Variants in ATP13A5 observed in about 807,000 individuals in gnomAD.
The protein encoded by ATP13A5 is probable cation-transporting ATPase 13A5.
In ATP13A5, 149 loss-of-function variants were observed where a neutral mutation model predicts 150.2. The observed-to-expected ratio is 0.99, with a 90% CI of 0.87 to 1.14. ATP13A5 has a LOEUF of 1.14. Ranked by LOEUF, ATP13A5 falls within the 50% of genes most tolerant of loss-of-function variation. The pLI, the probability that ATP13A5 is intolerant of heterozygous loss-of-function variation, is 0.00. For missense variants in ATP13A5, 1,383 were observed against 1,449.3 expected, an observed-to-expected ratio of 0.95 and a Z score of 0.74; for synonymous variants, 497 against 522.2, an observed-to-expected ratio of 0.95 and a Z score of 0.66.
chr3:193,355,759 G>A (rs1712759568), intron 5 of ATP13A5, among the ~76,000 whole-genome samples: 1 of 152,076 alleles, frequency 6.6e-6, no homozygotes, highest in Admixed American at 6.5e-5. Flanking sequence ...TCAGTACTCA[G>A]GACTCTTTTA....
chr3:193,332,955 C>G (rs190347315), intron 11 of ATP13A5, among the ~76,000 whole-genome samples: 6 of 152,250 alleles, frequency 3.9e-5, no homozygotes, highest in Admixed American at 3.9e-4. Flanking sequence ...CCCCAGTGAC[C>G]TTGACATTCT....
intron 7 of ATP13A5, among the ~76,000 whole-genome samples, chr3:193,346,574 C>A (rs1364249563): frequency 6.6e-6 from 1 of 152,116 alleles, no homozygotes; most frequent in Non-Finnish European, 1.5e-5. Flanking sequence ...TTCACCTTAA[C>A]CTAATTCAAA....
chr3:193,275,982 T>C (rs1717180559), intron 29 of ATP13A5, among the ~76,000 whole-genome samples: 1 of 152,172 alleles, frequency 6.6e-6, no homozygotes, highest in African/African-American at 2.4e-5. Context: ...ACAAACAGCA[T>C]CTCAACAACA....
At chr3:193,288,163 T>C (rs1406531061) in intron 26 of ATP13A5, among the ~76,000 whole-genome samples, 1 of 152,024 alleles carries the variant, frequency 6.6e-6, no homozygotes, top group South Asian at 2.1e-4. Flanking sequence ...CTGGTGAAGA[T>C]GTTGTAAGCA....
chr3:193,321,981 G>A, intron 15 of ATP13A5, 144 bp from the exon 16 acceptor site: 1 of 970,882 alleles, frequency 1.0e-6, no homozygotes, highest in Non-Finnish European at 1.5e-6. Flanking sequence ...TTGTGTGTGT[G>A]TGTGTGGCTG....
At chr3:193,374,872 C>T (rs1713585586) in intron 1 of ATP13A5, among the ~76,000 whole-genome samples, 1 of 152,118 alleles carries the variant, frequency 6.6e-6, no homozygotes, top group Admixed American at 6.6e-5. Flanking sequence ...AAAGTGGGCT[C>T]ATTATAAAAG....
At position 193,310,748 on chromosome 3, in the gene ATP13A5, A is replaced by T. The variant is rs9841197; in HGVS notation, c.2446-31T>A. 6.3e-4 allele frequency: 966 copies of T among 1,533,782 alleles called. 9 individuals are homozygous for T. In the African/African-American group the frequency reaches 0.012, roughly 19 times the overall value. On this transcript the variant is annotated intron_variant, in intron 20 of 29. Transcript: ENST00000342358. ...AAGAAAAAACAACCATTGCAATATGATTGGGAAGAAGAAAACTTTTAAAAA... is the reference window on the plus strand; with the variant it reads ...AAGAAAAAACAACCATTGCAATATGTTTGGGAAGAAGAAAACTTTTAAAAA...
intron 5 of ATP13A5, among the ~76,000 whole-genome samples, chr3:193,354,636 C>T (rs982436626): frequency 1.3e-5 from 2 of 151,462 alleles, no homozygotes; most frequent in African/African-American, 4.8e-5. Context: ...GTATACGAAC[C>T]GAATGAATAC....
At chr3:193,283,982 T>C (rs948273681) in intron 27 of ATP13A5, among the ~76,000 whole-genome samples, 8 of 146,572 alleles carry the variant, frequency 5.5e-5, no homozygotes, top group Non-Finnish European at 1.2e-4. Flanking sequence ...TGATGGGGCA[T>C]ATTCTCTGGC....
In ATP13A5 at chr3:193,363,300, TC is replaced by T. The variant is rs1483280533; in HGVS notation, c.319del (p.Glu107LysfsTer12). 3 of 1,613,844 alleles carry T rather than the reference TC, an allele frequency of 1.9e-6. No homozygotes were observed. The highest frequency in any genetic ancestry group is 2.7e-5 in the African/African-American group (2 of 74,952). ...TLKFPVSKKW[E>X]ESLVADRHSV... ...GTGGCGGTCAGCCACCAGGGATTCTTCCCACTTCTTGCTTACAGGAAACTTC... is the reference window on the plus strand; with the variant it reads ...GTGGCGGTCAGCCACCAGGGATTCTTCCACTTCTTGCTTACAGGAAACTTC... On this transcript the variant is annotated frameshift_variant, in exon 3 of 30. Transcript: ENST00000342358. LOFTEE classifies it high-confidence loss of function.
At position 193,310,625 on chromosome 3, in the gene ATP13A5, C is replaced by A; in HGVS notation, c.2525+13G>T. 6.3e-7 allele frequency: 1 copy of A among 1,596,970 alleles called. No individual in the cohort carries two copies. Among genetic ancestry groups the A allele is most frequent in the Non-Finnish European group, 8.5e-7 (1 of 1,173,064 alleles). ...TTAATGAGCACACTCTTCTTTCATG[C>A]CATGACACCTACTTTAATTTCTGAA... On this transcript the variant is annotated intron_variant, in intron 21 of 29. Coordinates refer to ENST00000342358, the MANE Select transcript of ATP13A5 (RefSeq NM_198505.4).
At chr3:193,330,938 C>A (rs1174627126) in intron 12 of ATP13A5, among the ~76,000 whole-genome samples, 185 bp downstream of exon 12, 1 of 152,158 alleles carries the variant, frequency 6.6e-6, no homozygotes, top group Non-Finnish European at 1.5e-5. Flanking sequence ...AAGCTGCTAA[C>A]CTTAAGAGTC....
At chr3:193,291,062 A>G (rs140663492) in intron 25 of ATP13A5, among the ~76,000 whole-genome samples, 10 of 152,210 alleles carry the variant, frequency 6.6e-5, no homozygotes, top group African/African-American at 2.4e-4. Context: ...TGAGTGTCCA[A>G]TGTGGGATGA....
Position 193,333,913 on chromosome 3 carries a change from T to A in ATP13A5, c.1115-6A>T, listed in dbSNP as rs933785214. 2 of 1,610,460 alleles carry A rather than the reference T, an allele frequency of 1.2e-6. No homozygotes were observed. Among genetic ancestry groups the A allele is most frequent in the Non-Finnish European group, 1.7e-6 (2 of 1,178,394 alleles). ...CCCTTTGGCTGTATTGTAACCTACA[T>A]AAAGATAATCATAGATCAAGTAAGG... On this transcript the variant is annotated splice_polypyrimidine_tract_variant and splice_region_variant and intron_variant, in intron 10 of 29. Coordinates refer to ENST00000342358, the MANE Select transcript of ATP13A5 (RefSeq NM_198505.4).
chr3:193,275,471 T>C (rs1717152604), intron 29 of ATP13A5, among the ~76,000 whole-genome samples, 169 bp from the exon 30 acceptor site: 1 of 152,214 alleles, frequency 6.6e-6, no homozygotes, highest in South Asian at 2.1e-4. Flanking sequence ...CTTAAGAAGC[T>C]AGAGGGTGCT....
intron 1 of ATP13A5, among the ~76,000 whole-genome samples, chr3:193,376,317 T>C (rs1713641654): frequency 6.6e-6 from 1 of 152,214 alleles, no homozygotes; most frequent in African/African-American, 2.4e-5. Context: ...GTGCATAGAC[T>C]GCCATCTTTT....
intron 28 of ATP13A5, 41 bp from the exon 29 acceptor site, chr3:193,276,871 C>A (rs781108574): frequency 7.1e-7 from 1 of 1,407,664 alleles, no homozygotes; most frequent in Non-Finnish European, 9.9e-7. Context: ...TTGCACACTT[C>A]ACACTTTGAA....
At position 193,344,195 on chromosome 3, in the gene ATP13A5, T is replaced by C. The variant is rs6444705; in HGVS notation, c.815-140A>G. On this transcript the variant is annotated intron_variant, in intron 8 of 29. Coordinates refer to ENST00000342358, the MANE Select transcript of ATP13A5 (RefSeq NM_198505.4). ...ACTGTTGAAGCCCCTTTTTAGTCAA[T>C]TGAAAATTCCGAAAGAATCAGGATT... 63,369 of 1,120,984 alleles carry C rather than the reference T, an allele frequency of 0.057. 3,212 individuals carry two copies. The highest frequency in any genetic ancestry group is 0.21 in the East Asian group (7,618 of 36,978). The allele number at this position is 1,120,984 out of a possible 1,614,324, so 69.4% of individuals were successfully genotyped here.
chr3:193,347,520 A>ATTTCT (rs1553820262), intron 7 of ATP13A5, among the ~76,000 whole-genome samples: 14 of 100,056 alleles, frequency 1.4e-4, no homozygotes, highest in South Asian at 2.7e-4. Flanking sequence ...CCTTCCTTAG[A>ATTTCT]TTTCTTTTTT....
Sources: allele counts gnomAD v4.1 joint callset (sites outside exome capture counted in the v4.1 genomes callset), GRCh38; gene constraint gnomAD v4.1.1; transcripts MANE v1.5; gene names NCBI Gene and HGNC (gene_info 2026-07-23, HGNC 2026-07-21).